The following ST18 variants were observed in gnomAD, a reference collection of about 807,000 sequenced individuals.
The protein encoded by ST18 is ST18 C2H2C-type zinc finger transcription factor.
In ST18, 50 loss-of-function variants were observed where a neutral mutation model predicts 110.0. That is an observed-to-expected ratio of 0.45 (90% CI 0.36 to 0.58). The LOEUF is 0.58. Ranked by LOEUF, ST18 falls within the 20% of genes least tolerant of loss-of-function variation. The pLI is 0.00. For missense variants in ST18, 1,306 were observed against 1,280.1 expected, an observed-to-expected ratio of 1.02 and a Z score of -0.31; for synonymous variants, 461 against 452.4, an observed-to-expected ratio of 1.02 and a Z score of -0.24.
chr8:52,205,877 TTTATA>T (rs2079846588), intron 8 of ST18, among the ~76,000 whole-genome samples: 2 of 152,214 alleles, frequency 1.3e-5, no homozygotes, highest in Non-Finnish European at 2.9e-5. Flanking sequence ...CAGTGGTCTC[TTTATA>T]ATTGGCAGTG....
chr8:52,335,352 ACCAATCCTCTCTGTT>A (rs1444816641), intron 2 of ST18, among the ~76,000 whole-genome samples: 1 of 152,114 alleles, frequency 6.6e-6, no homozygotes, highest in East Asian at 1.9e-4. Flanking sequence ...GGGATCCACC[ACCAATCCTCTCTGTT>A]CCACCTCCTC....
At chr8:52,250,445 C>CAAAAAAAAAAAAAAAAAA (rs1159770176) in intron 2 of ST18, among the ~76,000 whole-genome samples, 6 of 4,280 alleles carry the variant, frequency 1.4e-3, no homozygotes, top group Non-Finnish European at 2.1e-3. Flanking sequence ...GCCTCAAAGG[C>CAAAAAAAAAAAAAAAAAA]AAAAAAAAAA....
At chr8:52,378,094 A>C (rs1354599562) in intron 2 of ST18, among the ~76,000 whole-genome samples, 1 of 152,180 alleles carries the variant, frequency 6.6e-6, no homozygotes, top group African/African-American at 2.4e-5. Context: ...TAAAATGGTG[A>C]TTATCAGAGA....
At chr8:52,163,306 C>T (rs2061934959) in intron 13 of ST18, among the ~76,000 whole-genome samples, 1 of 152,180 alleles carries the variant, frequency 6.6e-6, no homozygotes, top group Non-Finnish European at 1.5e-5. Context: ...ATTTCAGTGA[C>T]TCAGTAACAA....
chr8:52,146,193 T>G (rs749230283), intron 16 of ST18, among the ~76,000 whole-genome samples: 2 of 152,126 alleles, frequency 1.3e-5, no homozygotes, highest in Non-Finnish European at 2.9e-5. Flanking sequence ...GGAACGCACA[T>G]AGCTATTCCA....
chr8:52,406,873 A>G (rs1844705918), intron 2 of ST18: 1 of 152,228 alleles, frequency 6.6e-6, no homozygotes, highest in South Asian at 2.1e-4. Flanking sequence ...TCTGAAGTTA[A>G]CAGGAGCCAA....
chr8:52,165,277 G>T, intron 11 of ST18, 52 bp from the exon 12 acceptor site: 2 of 1,561,234 alleles, frequency 1.3e-6, no homozygotes, highest in South Asian at 2.2e-5. Context: ...TAAATACAAA[G>T]CACACTAACA....
At chr8:52,137,694 T>C in intron 17 of ST18, 1 of 494,804 alleles carries the variant, frequency 2.0e-6, no homozygotes, top group Non-Finnish European at 3.6e-6. Context: ...GATGAGTTAC[T>C]TCCTTAGGTA....
At chr8:52,293,040 TTC>T (rs2139380774) in intron 2 of ST18, among the ~76,000 whole-genome samples, 1 of 152,366 alleles carries the variant, frequency 6.6e-6, no homozygotes, top group South Asian at 2.1e-4. Flanking sequence ...ATTATGTACT[TTC>T]TCTCTGGACC....
intron 17 of ST18, among the ~76,000 whole-genome samples, chr8:52,139,900 A>C (rs1220254135): frequency 6.6e-6 from 1 of 152,248 alleles, no homozygotes; most frequent in African/African-American, 2.4e-5. Context: ...TTCCGAATCT[A>C]CAGTGAAAAA....
intron 2 of ST18, among the ~76,000 whole-genome samples, chr8:52,256,922 C>A (rs2094545275): frequency 6.6e-6 from 1 of 152,104 alleles, no homozygotes; most frequent in Admixed American, 6.6e-5. Flanking sequence ...AAATGCCATA[C>A]TCATTAGCAG....
chr8:52,271,409 T>C (rs1406112968), intron 2 of ST18, among the ~76,000 whole-genome samples: 1 of 152,156 alleles, frequency 6.6e-6, no homozygotes, highest in African/African-American at 2.4e-5. Context: ...ACCAAGGCAT[T>C]ATTCCTTGCC....
At position 52,268,745 on chromosome 8, in the gene ST18, G is replaced by A. The variant is rs545946093; in HGVS notation, c.-464-38668C>T. ...CTGAAGAATACAAGAACGCAGAGCC[G>A]AAATCCCTGAATCCTTGGGGCTGGA... On this transcript the variant is annotated intron_variant, in intron 2 of 25. Coordinates refer to ENST00000689386, the MANE Select transcript of ST18 (RefSeq NM_001352837.2). 6.0e-4 allele frequency among the ~76,000 whole-genome samples: 91 copies of A among 152,280 alleles called. 1 individual carries two copies. The highest frequency in any genetic ancestry group is 6.8e-3 in the Middle Eastern group (2 of 294).
At chr8:52,140,345 C>A (rs957641343) in intron 17 of ST18, among the ~76,000 whole-genome samples, 3 of 152,146 alleles carry the variant, frequency 2.0e-5, no homozygotes, top group Non-Finnish European at 4.4e-5. Context: ...GCCTGGCCAA[C>A]ATGGCGAAAC....
rs752828085 is a variant in ST18 at position 52,212,125 on chromosome 8, G to GA, written c.56-17dup. On this transcript the variant is annotated splice_polypyrimidine_tract_variant and intron_variant, in intron 7 of 25. Transcript: ENST00000689386. ...TCCATTGGCACTGTTGACAAAAGAA[G>GA]AAAAAAAAGAAGACTTAATCAGTTG... 1.4e-5 allele frequency: 23 copies of GA among 1,588,600 alleles called. No homozygotes were observed. Among genetic ancestry groups the GA allele is most frequent in the Admixed American group, 7.6e-5 (4 of 52,890 alleles).
intron 2 of ST18, among the ~76,000 whole-genome samples, chr8:52,327,858 C>T (rs902732000): frequency 6.6e-6 from 1 of 152,224 alleles, no homozygotes; most frequent in African/African-American, 2.4e-5. Flanking sequence ...TCCATTTTAG[C>T]TGTAATTCAG....
At chr8:52,318,994 A>C (rs1015965196) in intron 2 of ST18, among the ~76,000 whole-genome samples, 1 of 152,150 alleles carries the variant, frequency 6.6e-6, no homozygotes, top group Non-Finnish European at 1.5e-5. Context: ...TAATACCTGG[A>C]TGATGGGATG....
intron 2 of ST18, among the ~76,000 whole-genome samples, chr8:52,340,482 A>G (rs2140189463): frequency 6.6e-6 from 1 of 152,374 alleles, no homozygotes; most frequent in Middle Eastern, 3.4e-3. Context: ...CCACACGGAC[A>G]AAGTGCAGAA....
At chr8:52,264,014 G>A (rs2138714317) in intron 2 of ST18, among the ~76,000 whole-genome samples, 1 of 152,032 alleles carries the variant, frequency 6.6e-6, no homozygotes, top group South Asian at 2.1e-4. Flanking sequence ...AGCTAGGCTG[G>A]TTGTGAATTC....
Sources: allele counts gnomAD v4.1 joint callset (sites outside exome capture counted in the v4.1 genomes callset), GRCh38; gene constraint gnomAD v4.1.1; transcripts MANE v1.5; gene names NCBI Gene and HGNC (gene_info 2026-07-23, HGNC 2026-07-21).